FBXO17: variants seen among roughly 807,000 people sequenced by gnomAD.
The protein encoded by FBXO17 is F-box protein 17.
Under a neutral mutation model 34.1 loss-of-function variants are expected in FBXO17, and 43 were observed. That is an observed-to-expected ratio of 1.26 (90% CI 0.99 to 1.62). FBXO17 has a LOEUF of 1.62. FBXO17 is among the 40% of genes most tolerant of loss of function. The pLI is 0.00. For missense variants in FBXO17, 424 were observed against 386.7 expected, an observed-to-expected ratio of 1.10 and a Z score of -0.81; for synonymous variants, 169 against 166.0, an observed-to-expected ratio of 1.02 and a Z score of -0.14.
At chr19:38,955,779 C>T (rs1176139596) in intron 1 of FBXO17, among the ~76,000 whole-genome samples, 2 of 151,952 alleles carry the variant, frequency 1.3e-5, no homozygotes, top group Non-Finnish European at 2.9e-5. Flanking sequence ...CCACTGTGCT[C>T]GGCTCCAGCT....
At chr19:38,945,232 C>G in intron 4 of FBXO17, 128 bp from the exon 5 acceptor site, 2 of 1,284,626 alleles carry the variant, frequency 1.6e-6, no homozygotes, top group Non-Finnish European at 2.1e-6. Flanking sequence ...TTGGAGACGT[C>G]CTGGCCTGGG....
intron 4 of FBXO17, 172 bp downstream of exon 4, chr19:38,946,300 C>T: frequency 1.5e-5 from 18 of 1,199,246 alleles, no homozygotes; most frequent in Non-Finnish European, 1.9e-5. Context: ...TCTGGCTTCT[C>T]CAAAGCTCTA....
chr19:38,948,568 C>T lies in FBXO17; in HGVS notation c.460G>A (p.Glu154Lys), dbSNP rs138578344. ...PSQTCFVTSF[E>K]WCSKRQLVDL... is the part of the protein sequence containing the mutation. The stretch of plus-strand genomic sequence containing the variant: ...GGGCCTCTCACTTGGGCCACTCACT[C>T]GAAAGAGGTCACGAAGCAGGTCTGC... The change falls in exon 3 of 6, where the codon GAA becomes AAA. Residue 154 changes from glutamate (E) to lysine (K), a missense_variant and splice_region_variant. Physicochemically the swap from Glu to Lys is moderately conservative, Grantham distance 56. Transcript: ENST00000292852. 3.4e-4 allele frequency: 554 copies of T among 1,613,362 alleles called. No homozygotes were observed. Among genetic ancestry groups the T allele is most frequent in the African/African-American group, 3.4e-3 (254 of 75,032 alleles).
chr19:38,971,394 G>A (rs1285909088), intron 1 of FBXO17, among the ~76,000 whole-genome samples: 1 of 152,120 alleles, frequency 6.6e-6, no homozygotes, highest in Non-Finnish European at 1.5e-5. Context: ...AAAACAAGGC[G>A]AAACACAGCA....
At chr19:38,944,195 G>C (rs1273837191) in intron 5 of FBXO17, among the ~76,000 whole-genome samples, 1 of 151,938 alleles carries the variant, frequency 6.6e-6, no homozygotes, top group Non-Finnish European at 1.5e-5. Context: ...GCATAACTTT[G>C]GCTTTTACTG....
At chr19:38,964,447 T>G (rs1323404758) in intron 1 of FBXO17, among the ~76,000 whole-genome samples, 2 of 151,982 alleles carry the variant, frequency 1.3e-5, no homozygotes, top group African/African-American at 4.8e-5. Context: ...GCGATTCTCC[T>G]GCCTCAGCCT....
At chr19:38,955,660 C>T (rs767202536) in intron 1 of FBXO17, among the ~76,000 whole-genome samples, 38 of 151,120 alleles carry the variant, frequency 2.5e-4, no homozygotes, top group African/African-American at 8.8e-4. Flanking sequence ...ATTTTTGTAT[C>T]GTTAGTAGAG....
chr19:38,966,072 C>T (rs775928469), intron 1 of FBXO17, among the ~76,000 whole-genome samples: 7 of 151,974 alleles, frequency 4.6e-5, no homozygotes, highest in East Asian at 1.9e-4. Context: ...TGGGTTCAAG[C>T]GATTCTCCTG....
At chr19:38,974,884 C>A (rs552509343) in intron 1 of FBXO17, among the ~76,000 whole-genome samples, 27 of 152,196 alleles carry the variant, frequency 1.8e-4, no homozygotes, top group Admixed American at 1.6e-3. Context: ...CTGTCCTGTC[C>A]TACGTGTCTG....
At position 38,946,493 on chromosome 19, in the gene FBXO17, A is replaced by C; in HGVS notation, c.536T>G (p.Ile179Ser). The stretch of plus-strand genomic sequence containing the variant: ...TCACCAGTCAGCCACACAGATCTCA[A>C]TCTGGGCGCTGTCCAGCAGCTCCTG... ...VWQELLDSAQIEICVADWWGA... is the reference protein window; with the variant it reads ...VWQELLDSAQSEICVADWWGA... The change falls in exon 4 of 6, where the codon ATT becomes AGT. Residue 179 changes from isoleucine (I) to serine (S), a missense_variant. By Grantham distance (142) the Ile-to-Ser change is moderately radical (BLOSUM62 -2). Coordinates refer to ENST00000292852, the MANE Select transcript of FBXO17 (RefSeq NM_024907.7). The C allele has an allele frequency of 6.2e-7, 1 of 1,613,886 alleles. No individual in the cohort carries two copies. The highest frequency in any genetic ancestry group is 8.5e-7 in the Non-Finnish European group (1 of 1,179,884).
intron 1 of FBXO17, among the ~76,000 whole-genome samples, chr19:38,957,411 A>T (rs1209747162): frequency 6.6e-6 from 1 of 151,404 alleles, no homozygotes; most frequent in Non-Finnish European, 1.5e-5. Flanking sequence ...CAGTTGCATG[A>T]TCTCGGCTCA....
intron 1 of FBXO17, among the ~76,000 whole-genome samples, chr19:38,954,895 T>TTTA (rs139274792): frequency 0.051 from 6,791 of 133,976 alleles, 204 homozygotes; most frequent in Non-Finnish European, 0.064. Flanking sequence ...AATGTGTTAT[T>TTTA]TTATTATTAT....
rs779447774 is a variant in FBXO17, at chr19:38,950,279, G to A, written c.41C>T (p.Pro14Leu). Reference protein sequence around the residue: ...RLSRRRLPADPSLALDALPPE... With the variant: ...RLSRRRLPADLSLALDALPPE... ...GGGCAGCGCGTCCAGGGCCAGGGAT[G>A]GGTCCGCCGGCAGCCGTCGCCGCGA... is the stretch of plus-strand genomic sequence containing the variant. The change falls in exon 2 of 6, where the codon CCA becomes CTA. Residue 14 changes from proline (P) to leucine (L), a missense_variant. Pro to Leu is a moderately conservative substitution (Grantham distance 98, BLOSUM62 -3). Transcript: ENST00000292852. 2.1e-6 allele frequency: 3 copies of A among 1,451,348 alleles called. No homozygotes were observed. Among genetic ancestry groups the A allele is most frequent in the South Asian group, 2.8e-5 (2 of 70,246 alleles). 89.9% of individuals were successfully genotyped at this position (1,451,348 alleles called of 1,614,324 possible).
chr19:38,964,726 C>G (rs1398131233), intron 1 of FBXO17, among the ~76,000 whole-genome samples: 1 of 151,736 alleles, frequency 6.6e-6, no homozygotes, highest in Non-Finnish European at 1.5e-5. Context: ...ATGATCACAC[C>G]ACTGTGCTCC....
chr19:38,957,492 C>A (rs1327831865), intron 1 of FBXO17, among the ~76,000 whole-genome samples: 1 of 152,142 alleles, frequency 6.6e-6, no homozygotes, highest in Admixed American at 6.5e-5. Context: ...ATTACAGGCA[C>A]CTGCCACCAC....
At chr19:38,957,860 G>A (rs1473187577) in intron 1 of FBXO17, among the ~76,000 whole-genome samples, 1 of 152,154 alleles carries the variant, frequency 6.6e-6, no homozygotes. Flanking sequence ...CCAGCACTTT[G>A]GGAGGTGGAG....
intron 1 of FBXO17, among the ~76,000 whole-genome samples, chr19:38,959,963 G>A (rs1005007962): frequency 7.2e-5 from 11 of 151,972 alleles, no homozygotes; most frequent in African/African-American, 1.9e-4. Flanking sequence ...AACCCTCAAC[G>A]TTTGCTAAAA....
chr19:38,953,969 G>C lies in FBXO17; in HGVS notation c.-17-3633C>G, dbSNP rs372827026. ...ATAAGAAGCCAAGGGAGAGTGAAAG[G>C]GGGGGAGGAGGTGTTGGAAAGGATT... On this transcript the variant is annotated intron_variant, in intron 1 of 5. Coordinates refer to ENST00000292852, the MANE Select transcript of FBXO17 (RefSeq NM_024907.7). Among the ~76,000 whole-genome samples the C allele has an allele frequency of 1.6e-4, 24 of 152,180 alleles. No individual in the cohort carries two copies. In the East Asian group the frequency reaches 1.9e-3, roughly 12 times the overall value.
intron 1 of FBXO17, among the ~76,000 whole-genome samples, chr19:38,970,201 CAA>C (rs746484827): frequency 7.3e-5 from 10 of 137,138 alleles, no homozygotes; most frequent in Non-Finnish European, 7.9e-5. Flanking sequence ...TTATCAAAAG[CAA>C]AAAAAAAAAA....
Sources: gnomAD v4.1 joint callset for allele counts (sites outside exome capture counted in the v4.1 genomes callset) on GRCh38, gnomAD v4.1.1 for gene constraint, MANE v1.5 for transcripts, NCBI Gene and HGNC (gene_info 2026-07-23, HGNC 2026-07-21) for gene names.